COMMD10: variants seen among roughly 807,000 people sequenced by gnomAD.
COMMD10 encodes the protein COMM domain-containing protein 10.
A neutral mutation model predicts 28.9 loss-of-function variants in COMMD10; 33 were observed. The ratio of observed to expected loss-of-function variants is 1.14; its 90% CI spans 0.87 to 1.53. The LOEUF (loss-of-function observed/expected upper bound fraction) is 1.53, where lower values mean the gene tolerates loss of function less well. Ranked by LOEUF, COMMD10 falls within the 40% of genes most tolerant of loss-of-function variation. The pLI, the probability that COMMD10 is intolerant of heterozygous loss-of-function variation, is 0.00. For missense variants in COMMD10, 310 were observed against 233.4 expected, an observed-to-expected ratio of 1.33 and a Z score of -2.14; for synonymous variants, 110 against 81.7, an observed-to-expected ratio of 1.35 and a Z score of -1.87.
chr5:116,121,552 G>A (rs1206235487), intron 4 of COMMD10, among the ~76,000 whole-genome samples: 2 of 152,122 alleles, frequency 1.3e-5, no homozygotes, highest in Non-Finnish European at 2.9e-5. Flanking sequence ...TTGAGGAATC[G>A]CCACACTGTC....
chr5:116,242,455 A>C (rs1428167864), intron 5 of COMMD10, among the ~76,000 whole-genome samples: 1 of 152,192 alleles, frequency 6.6e-6, no homozygotes, highest in African/African-American at 2.4e-5. Context: ...AAATCCTCTC[A>C]GCAACCCTGA....
At chr5:116,285,231 C>T (rs943631209) in intron 5 of COMMD10, among the ~76,000 whole-genome samples, 5 of 151,812 alleles carry the variant, frequency 3.3e-5, no homozygotes, top group African/African-American at 4.9e-5. Context: ...AAAAAGCTAC[C>T]GAACTCTTAA....
chr5:116,251,728 A>C (rs1209728816), intron 5 of COMMD10, among the ~76,000 whole-genome samples: 1 of 151,824 alleles, frequency 6.6e-6, no homozygotes, highest in Non-Finnish European at 1.5e-5. Context: ...AGTCTTTGCT[A>C]TTGTGAATAA....
chr5:116,255,797 C>T (rs888434716), intron 5 of COMMD10: 10 of 150,880 alleles, frequency 6.6e-5, no homozygotes, highest in Admixed American at 2.0e-4. Context: ...CTTACTTTTT[C>T]GGGTTGTACC....
chr5:116,233,111 A>G (rs1749569650), intron 5 of COMMD10, among the ~76,000 whole-genome samples: 2 of 152,150 alleles, frequency 1.3e-5, no homozygotes, highest in South Asian at 4.1e-4. Context: ...TGGTTATAAT[A>G]TTCCCCCACT....
chr5:116,160,848 A>G (rs1752892698), intron 5 of COMMD10, among the ~76,000 whole-genome samples: 1 of 152,192 alleles, frequency 6.6e-6, no homozygotes, highest in South Asian at 2.1e-4. Context: ...TGTTACGGGA[A>G]GCAGTGTGAT....
intron 5 of COMMD10, among the ~76,000 whole-genome samples, chr5:116,156,702 C>T (rs1236503330): frequency 6.6e-6 from 1 of 152,072 alleles, no homozygotes; most frequent in Non-Finnish European, 1.5e-5. Context: ...TTCCATAACC[C>T]CCTCAAGTTA....
chr5:116,195,647 A>T (rs976763384), intron 5 of COMMD10, among the ~76,000 whole-genome samples: 20 of 152,210 alleles, frequency 1.3e-4, no homozygotes, highest in African/African-American at 4.8e-4. Context: ...AAGACTACTG[A>T]AAGAAATCAT....
intron 5 of COMMD10, among the ~76,000 whole-genome samples, chr5:116,202,619 C>G (rs990257093): frequency 2.6e-4 from 40 of 151,888 alleles, no homozygotes; most frequent in Admixed American, 6.5e-4. Flanking sequence ...TTTTGATTTG[C>G]ATTTGTCTGA....
chr5:116,136,873 C>T (rs1276106837), intron 5 of COMMD10, among the ~76,000 whole-genome samples: 1 of 152,078 alleles, frequency 6.6e-6, no homozygotes, highest in African/African-American at 2.4e-5. Context: ...AAAGATATTT[C>T]TCTTTCATCT....
chr5:116,139,144 G>C (rs7733128), intron 5 of COMMD10, among the ~76,000 whole-genome samples: 1 of 151,522 alleles, frequency 6.6e-6, no homozygotes, highest in Non-Finnish European at 1.5e-5. Context: ...ATGTTTCAAG[G>C]TGTTGAAAGC....
intron 5 of COMMD10, among the ~76,000 whole-genome samples, chr5:116,219,448 A>T (rs994216299): frequency 2.4e-4 from 36 of 152,166 alleles, no homozygotes; most frequent in African/African-American, 8.0e-4. Flanking sequence ...GGTAGGCCAT[A>T]AGCACAATAA....
intron 4 of COMMD10, among the ~76,000 whole-genome samples, chr5:116,098,520 A>G (rs1404440232): frequency 6.6e-6 from 1 of 152,232 alleles, no homozygotes; most frequent in Non-Finnish European, 1.5e-5. Context: ...GCTGAGTACT[A>G]TGTTAAATCC....
At chr5:116,209,875 ACT>A (rs1253037472) in intron 5 of COMMD10, among the ~76,000 whole-genome samples, 2 of 152,078 alleles carry the variant, frequency 1.3e-5, no homozygotes, top group African/African-American at 4.8e-5. Flanking sequence ...TTATATAGTT[ACT>A]CTCTTTATTC....
At chr5:116,174,354 G>A (rs1348141134) in intron 5 of COMMD10, among the ~76,000 whole-genome samples, 1 of 152,024 alleles carries the variant, frequency 6.6e-6, no homozygotes, top group Admixed American at 6.6e-5. Flanking sequence ...GGTATGGGAG[G>A]ACATGGAATT....
chr5:116,116,204 T>A (rs1751228553), intron 4 of COMMD10, among the ~76,000 whole-genome samples: 1 of 152,194 alleles, frequency 6.6e-6, no homozygotes, highest in Admixed American at 6.5e-5. Flanking sequence ...ATTGTAAGAT[T>A]TACTTTATTG....
At chr5:116,194,629 G>A (rs1748459370) in intron 5 of COMMD10, among the ~76,000 whole-genome samples, 1 of 152,002 alleles carries the variant, frequency 6.6e-6, no homozygotes, top group African/African-American at 2.4e-5. Flanking sequence ...AGGAAGAATT[G>A]GATTCCTTGA....
At chr5:116,275,634 C>G (rs1750888993) in intron 5 of COMMD10, among the ~76,000 whole-genome samples, 1 of 151,756 alleles carries the variant, frequency 6.6e-6, no homozygotes, top group Non-Finnish European at 1.5e-5. Flanking sequence ...TGAAATTAGT[C>G]TCAATATCCA....
intron 4 of COMMD10, among the ~76,000 whole-genome samples, chr5:116,116,365 G>A (rs374598500): frequency 9.2e-5 from 14 of 152,072 alleles, no homozygotes; most frequent in African/African-American, 2.7e-4. Context: ...ATGGATGGTC[G>A]AATGGCTTTG....
Sources: gnomAD v4.1 joint callset for allele counts (sites outside exome capture counted in the v4.1 genomes callset) on GRCh38, gnomAD v4.1.1 for gene constraint, MANE v1.5 for transcripts, NCBI Gene and HGNC (gene_info 2026-07-23, HGNC 2026-07-21) for gene names.